The following STARD13 variants were observed in gnomAD, a reference collection of about 807,000 sequenced individuals.
The protein encoded by STARD13 is StAR related lipid transfer domain containing 13.
In STARD13, 62 loss-of-function variants were observed where a neutral mutation model predicts 106.4. The ratio of observed to expected loss-of-function variants is 0.58; its 90% confidence interval spans 0.48 to 0.72. STARD13 has a LOEUF of 0.72. Ranked by LOEUF, STARD13 falls within the 30% of genes least tolerant of loss-of-function variation. STARD13 has a pLI of 0.00. For synonymous variants in STARD13, 565 were observed against 553.0 expected (o/e 1.02, Z -0.31); for missense variants, 1,387 against 1,424.0 (o/e 0.97, Z 0.42).
At chr13:33,571,917 G>A in the STARD13 span, among the ~76,000 whole-genome samples, 1 of 152,158 alleles carries the variant, frequency 6.6e-6, no homozygotes, top group Non-Finnish European at 1.5e-5. Flanking sequence ...CCACTGCAAG[G>A]ATAGCTGTGA....
At chr13:33,205,350 A>G (rs1887342490) in intron 1 of STARD13, among the ~76,000 whole-genome samples, 1 of 152,222 alleles carries the variant, frequency 6.6e-6, no homozygotes, top group African/African-American at 2.4e-5. Context: ...TAGGAAGTCC[A>G]GGTCATATTC....
chr13:33,124,260 A>AG (rs1293637509), intron 7 of STARD13, among the ~76,000 whole-genome samples: 1 of 152,176 alleles, frequency 6.6e-6, no homozygotes, highest in Admixed American at 6.5e-5. Flanking sequence ...TGACAAGGAA[A>AG]GGGAGGGACA....
chr13:33,588,537 C>T, the STARD13 span, among the ~76,000 whole-genome samples: 1 of 152,124 alleles, frequency 6.6e-6, no homozygotes, highest in Non-Finnish European at 1.5e-5. Flanking sequence ...TATATCTGCA[C>T]CACTGGTTTT....
At chr13:33,284,763 T>A (rs1213453952) in intron 1 of STARD13, among the ~76,000 whole-genome samples, 1 of 152,036 alleles carries the variant, frequency 6.6e-6, no homozygotes, top group Non-Finnish European at 1.5e-5. Context: ...ATTTTAGTAA[T>A]GTCCAGACTT....
At chr13:33,270,064 C>A (rs745351320) in intron 1 of STARD13, among the ~76,000 whole-genome samples, 7 of 151,972 alleles carry the variant, frequency 4.6e-5, no homozygotes, top group Non-Finnish European at 8.8e-5. Flanking sequence ...GGTGAAAACC[C>A]GTCTGTACTA....
chr13:33,393,536 C>G, the STARD13 span, among the ~76,000 whole-genome samples: 1 of 152,122 alleles, frequency 6.6e-6, no homozygotes, highest in Non-Finnish European at 1.5e-5. Context: ...GAGGGCTGCT[C>G]AGAGGGTCAA....
chr13:33,540,333 C>T, the STARD13 span, among the ~76,000 whole-genome samples: 1 of 152,160 alleles, frequency 6.6e-6, no homozygotes, highest in African/African-American at 2.4e-5. Context: ...CTTCTTTTGG[C>T]ATATCCAAAT....
chr13:33,596,608 TA>T, the STARD13 span, among the ~76,000 whole-genome samples: 1 of 152,226 alleles, frequency 6.6e-6, no homozygotes, highest in Non-Finnish European at 1.5e-5. Flanking sequence ...TATTGTTAAC[TA>T]CAGTTACTAC....
At chr13:33,470,392 A>G in the STARD13 span, among the ~76,000 whole-genome samples, 1 of 152,204 alleles carries the variant, frequency 6.6e-6, no homozygotes, top group Non-Finnish European at 1.5e-5. Flanking sequence ...ATAAGTGTGC[A>G]TGTGTCTTTA....
chr13:33,266,559 C>T (rs1321539710), intron 1 of STARD13, among the ~76,000 whole-genome samples: 1 of 152,168 alleles, frequency 6.6e-6, no homozygotes, highest in Non-Finnish European at 1.5e-5. Context: ...TGAATTTGGA[C>T]TACATTCTAA....
At chr13:33,380,858 GA>G in the STARD13 span, among the ~76,000 whole-genome samples, 1 of 152,152 alleles carries the variant, frequency 6.6e-6, no homozygotes, top group East Asian at 1.9e-4. Flanking sequence ...GGGAGAAGGA[GA>G]AGGTCAGTGT....
chr13:33,471,337 T>A, the STARD13 span, among the ~76,000 whole-genome samples: 1 of 152,228 alleles, frequency 6.6e-6, no homozygotes, highest in Non-Finnish European at 1.5e-5. Context: ...TTCTGCATAA[T>A]GTAAAACCAG....
intron 1 of STARD13, among the ~76,000 whole-genome samples, chr13:33,299,385 A>G (rs1031695906): frequency 2.6e-5 from 4 of 152,248 alleles, no homozygotes; most frequent in African/African-American, 9.6e-5. Flanking sequence ...AAAGCAGTCT[A>G]AACACTTTTT....
chr13:33,425,028 T>C, the STARD13 span, among the ~76,000 whole-genome samples: 62 of 152,322 alleles, frequency 4.1e-4, no homozygotes, highest in Non-Finnish European at 8.7e-4. Flanking sequence ...CTGATTTTGA[T>C]GTGAATGTTG....
the STARD13 span, chr13:33,611,286 C>G: frequency 6.6e-6 from 1 of 152,244 alleles, no homozygotes; most frequent in Non-Finnish European, 1.5e-5. Context: ...CGCTCCCTCT[C>G]CCCCAGAATC....
At chr13:33,299,983 A>G (rs1892649404) in intron 1 of STARD13, among the ~76,000 whole-genome samples, 1 of 152,244 alleles carries the variant, frequency 6.6e-6, no homozygotes, top group African/African-American at 2.4e-5. Flanking sequence ...AGATTTCATC[A>G]GATCTTCAAA....
chr13:33,161,115 A>G (rs1206407408), intron 3 of STARD13, among the ~76,000 whole-genome samples: 2 of 152,228 alleles, frequency 1.3e-5, no homozygotes, highest in Non-Finnish European at 2.9e-5. Context: ...ACATAGCAAC[A>G]TAAATGAATT....
At chr13:33,394,148 T>A in the STARD13 span, among the ~76,000 whole-genome samples, 1 of 152,070 alleles carries the variant, frequency 6.6e-6, no homozygotes, top group Non-Finnish European at 1.5e-5. Context: ...CTCACAACCA[T>A]ATTACTCTGT....
the STARD13 span, among the ~76,000 whole-genome samples, chr13:33,598,101 T>C: frequency 2.0e-5 from 3 of 152,178 alleles, no homozygotes; most frequent in Non-Finnish European, 4.4e-5. Context: ...CATCAAGGTG[T>C]TCATGGTCTC....
Sources: gnomAD v4.1 joint callset for allele counts (sites outside exome capture counted in the v4.1 genomes callset) on GRCh38, gnomAD v4.1.1 for gene constraint, MANE v1.5 for transcripts, NCBI Gene and HGNC (gene_info 2026-07-23, HGNC 2026-07-21) for gene names.